CEP128: variants seen among roughly 807,000 people sequenced by gnomAD.
The protein encoded by CEP128 is centrosomal protein 128kDa.
In CEP128, 132 loss-of-function variants were observed where a neutral mutation model predicts 156.7. The ratio of observed to expected loss-of-function variants is 0.84; its 90% confidence interval spans 0.73 to 0.97. CEP128 has a LOEUF of 0.97. CEP128 is among the 50% of genes least tolerant of loss of function. The pLI, the probability that CEP128 is intolerant of heterozygous loss-of-function variation, is 0.00. For synonymous variants in CEP128, 469 were observed against 448.9 expected, an observed-to-expected ratio of 1.04 and a Z score of -0.57; for missense variants, 1,252 against 1,281.9, an observed-to-expected ratio of 0.98 and a Z score of 0.36.
chr14:80,853,678 G>T (rs902648434), intron 9 of CEP128, among the ~76,000 whole-genome samples: 2 of 151,672 alleles, frequency 1.3e-5, no homozygotes, highest in Non-Finnish European at 2.9e-5. Flanking sequence ...TAATACAATC[G>T]CAATAAAAAT....
At chr14:80,866,582 G>A (rs1267864387) in intron 8 of CEP128, among the ~76,000 whole-genome samples, 1 of 152,170 alleles carries the variant, frequency 6.6e-6, no homozygotes, top group Non-Finnish European at 1.5e-5. Flanking sequence ...TCATTAATGA[G>A]CCCTGCTAGA....
chr14:80,765,360 G>A (rs1355675167), intron 16 of CEP128, among the ~76,000 whole-genome samples: 1 of 152,208 alleles, frequency 6.6e-6, no homozygotes, highest in Non-Finnish European at 1.5e-5. Flanking sequence ...ATTGGCTGAA[G>A]TTAATCCAAG....
intron 8 of CEP128, among the ~76,000 whole-genome samples, chr14:80,888,633 AAAT>A (rs1315790407): frequency 1.3e-5 from 2 of 152,160 alleles, no homozygotes; most frequent in African/African-American, 4.8e-5. Flanking sequence ...ACATATCTCA[AAAT>A]AATAAGACCT....
At chr14:80,877,589 A>T (rs1252631277) in intron 8 of CEP128, among the ~76,000 whole-genome samples, 1 of 152,216 alleles carries the variant, frequency 6.6e-6, no homozygotes, top group African/African-American at 2.4e-5. Context: ...CAGGAGAGCA[A>T]TGAGAACAGC....
At chr14:80,848,724 T>C (rs1168671387) in intron 9 of CEP128, among the ~76,000 whole-genome samples, 2 of 149,492 alleles carry the variant, frequency 1.3e-5, no homozygotes, top group Non-Finnish European at 3.0e-5. Context: ...GTGAGAGGAA[T>C]TCAGAAACCA....
At chr14:80,850,007 A>C (rs1886807218) in intron 9 of CEP128, among the ~76,000 whole-genome samples, 1 of 152,164 alleles carries the variant, frequency 6.6e-6, no homozygotes, top group African/African-American at 2.4e-5. Flanking sequence ...TGCTCATATC[A>C]AATTATAATC....
At position 80,899,716 on chromosome 14, in the gene CEP128, ATTAAG is replaced by A. The variant is rs576846087; in HGVS notation, c.572+217_572+221del. On this transcript the variant is annotated intron_variant, in intron 7 of 24. Transcript: ENST00000555265. ...CTCCATAATATCAGCATTCCATTGTATTAAGTTAAAGCGTTTTTAGAAAAAGGAAA... is the reference window on the plus strand; with the variant it reads ...CTCCATAATATCAGCATTCCATTGTATTAAAGCGTTTTTAGAAAAAGGAAA... Among the ~76,000 whole-genome samples the A allele has an allele frequency of 3.3e-5, 5 of 152,320 alleles. No homozygotes were observed. The South Asian group carries it at 8.3e-4, about 25-fold the overall frequency.
chr14:80,502,751 C>T (rs778521591), intron 24 of CEP128, among the ~76,000 whole-genome samples: 7 of 151,888 alleles, frequency 4.6e-5, no homozygotes, highest in South Asian at 2.1e-4. Flanking sequence ...ACTCATTTGC[C>T]GTAAGTTCTG....
intron 9 of CEP128, among the ~76,000 whole-genome samples, chr14:80,849,997 T>C (rs759047512): frequency 5.3e-5 from 8 of 151,608 alleles, no homozygotes; most frequent in Admixed American, 1.3e-4. Flanking sequence ...GCGAAAAAAA[T>C]GCTCATATCA....
intron 20 of CEP128, among the ~76,000 whole-genome samples, chr14:80,571,175 G>T (rs531394626): frequency 1.3e-5 from 2 of 152,258 alleles, no homozygotes; most frequent in South Asian, 4.1e-4. Context: ...TATTGTGCTG[G>T]TCCCTTAGAT....
chr14:80,813,456 C>G (rs1398423164), intron 13 of CEP128, among the ~76,000 whole-genome samples: 1 of 151,752 alleles, frequency 6.6e-6, no homozygotes, highest in Non-Finnish European at 1.5e-5. Flanking sequence ...TTTTGGTGTC[C>G]TAAGAAATCA....
chr14:80,756,436 T>G (rs1375836672), intron 18 of CEP128, among the ~76,000 whole-genome samples: 2 of 152,172 alleles, frequency 1.3e-5, no homozygotes, highest in Non-Finnish European at 2.9e-5. Flanking sequence ...TACTCAAATA[T>G]TCTCATCTTC....
chr14:80,619,248 G>A (rs11620910), intron 19 of CEP128, among the ~76,000 whole-genome samples: 11,801 of 152,020 alleles, frequency 0.078, 545 homozygotes, highest in African/African-American at 0.12. Flanking sequence ...AAACACTCAA[G>A]GAAATGTTTA....
chr14:80,646,861 T>C (rs1894654637), intron 19 of CEP128, among the ~76,000 whole-genome samples: 1 of 151,362 alleles, frequency 6.6e-6, no homozygotes, highest in Non-Finnish European at 1.5e-5. Context: ...ATGTTAATTT[T>C]ACTTGATTAT....
At chr14:80,616,294 G>C (rs915295404) in intron 19 of CEP128, among the ~76,000 whole-genome samples, 2 of 152,146 alleles carry the variant, frequency 1.3e-5, no homozygotes, top group African/African-American at 4.8e-5. Context: ...CAGCTAAAAT[G>C]TATGAGTGCT....
rs952412885 is a variant in CEP128, at chr14:80,504,987, G to A, written c.3106C>T (p.Arg1036Cys). The A allele has an allele frequency of 1.0e-5, 16 of 1,601,080 alleles. No individual in the cohort carries two copies. The African/African-American group carries it at 1.3e-4, about 13-fold the overall frequency. ...CAAGAGGATGAGTGATCTAACCCAC[G>A]AGTGTGGGAACCTTCCAGAAAGGTT... ...DRTFLEGSHT[R>C]GLDHSSSWQD... Residue 1036 changes from arginine to cysteine, a missense_variant, in exon 24 of 25, where the codon CGT becomes TGT. Physicochemically the swap from Arg to Cys is radical, Grantham distance 180 (BLOSUM62 -3). Coordinates refer to ENST00000555265, the MANE Select transcript of CEP128 (RefSeq NM_152446.5).
At chr14:80,891,939 A>C (rs1889121215) in intron 8 of CEP128, among the ~76,000 whole-genome samples, 1 of 152,014 alleles carries the variant, frequency 6.6e-6, no homozygotes, top group Non-Finnish European at 1.5e-5. Flanking sequence ...ATAAATGAAA[A>C]GATATTCCAT....
At chr14:80,588,445 T>C (rs929887532) in intron 19 of CEP128, among the ~76,000 whole-genome samples, 3 of 152,204 alleles carry the variant, frequency 2.0e-5, no homozygotes, top group African/African-American at 4.8e-5. Flanking sequence ...TTTGGCCTAG[T>C]ATGTTGATAT....
At chr14:80,822,193 A>G (rs1304455711) in intron 13 of CEP128, among the ~76,000 whole-genome samples, 1 of 152,104 alleles carries the variant, frequency 6.6e-6, no homozygotes, top group Non-Finnish European at 1.5e-5. Context: ...TGCCTTCCCA[A>G]CAGTCCACTC....
Sources: allele counts gnomAD v4.1 joint callset (sites outside exome capture counted in the v4.1 genomes callset), GRCh38; gene constraint gnomAD v4.1.1; transcripts MANE v1.5; gene names NCBI Gene and HGNC (gene_info 2026-07-23, HGNC 2026-07-21).